ZFYVE28: variants seen among roughly 807,000 people sequenced by gnomAD.
ZFYVE28 encodes zinc finger FYVE-type containing 28.
Under a neutral mutation model 82.1 loss-of-function variants are expected in ZFYVE28, and 40 were observed. That is an observed-to-expected ratio of 0.49 (90% CI 0.38 to 0.63). ZFYVE28 has a LOEUF of 0.63. Among genes scored for constraint, ZFYVE28 ranks in the 30% least tolerant of loss-of-function variants. The pLI, the probability that ZFYVE28 is intolerant of heterozygous loss-of-function variation, is 0.00. For missense variants in ZFYVE28, 1,321 were observed against 1,242.1 expected, an observed-to-expected ratio of 1.06 and a Z score of -0.96; for synonymous variants, 612 against 546.1, an observed-to-expected ratio of 1.12 and a Z score of -1.68.
At chr4:2,383,247 G>A (rs1021737567) in intron 1 of ZFYVE28, among the ~76,000 whole-genome samples, 5 of 152,100 alleles carry the variant, frequency 3.3e-5, no homozygotes, top group Non-Finnish European at 7.4e-5. Flanking sequence ...GTTGTGGGAG[G>A]GACCTGGTGG....
chr4:2,400,237 C>A (rs1332399010), intron 1 of ZFYVE28, among the ~76,000 whole-genome samples: 3 of 152,228 alleles, frequency 2.0e-5, no homozygotes, highest in Non-Finnish European at 4.4e-5. Flanking sequence ...CACTTTTATA[C>A]ATAGCTGGTC....
chr4:2,332,826 G>A lies in ZFYVE28; in HGVS notation c.701+2879C>T, dbSNP rs543548813. 5.9e-5 allele frequency among the ~76,000 whole-genome samples: 9 copies of A among 152,040 alleles called. No individual in the cohort carries two copies. In the South Asian group the frequency reaches 1.2e-3, roughly 21 times the overall value. The stretch of plus-strand genomic sequence containing the variant: ...CGCTCAGCACTCACCCGCCCTGCTC[G>A]AGGCTCGCTGCACAGAGGGTTGCAG... On this transcript the variant is annotated intron_variant, in intron 6 of 12. Coordinates refer to ENST00000290974, the MANE Select transcript of ZFYVE28 (RefSeq NM_020972.3). The surrounding 1 kb of genome is among the most constrained non-coding windows in gnomAD (Gnocchi z 4.7).
chr4:2,400,235 T>C (rs554161380), intron 1 of ZFYVE28, among the ~76,000 whole-genome samples: 1 of 152,256 alleles, frequency 6.6e-6, no homozygotes, highest in East Asian at 1.9e-4. Flanking sequence ...CCCACTTTTA[T>C]ACATAGCTGG....
chr4:2,271,541 G>T (rs895896958), intron 11 of ZFYVE28, 127 bp from the exon 12 acceptor site: 2 of 1,415,454 alleles, frequency 1.4e-6, no homozygotes, highest in African/African-American at 1.4e-5. Flanking sequence ...CAGCCTCCGG[G>T]GGGGCGGTCT....
intron 1 of ZFYVE28, among the ~76,000 whole-genome samples, chr4:2,411,890 G>T (rs958859180): frequency 2.0e-5 from 3 of 152,212 alleles, no homozygotes; most frequent in Non-Finnish European, 4.4e-5. Context: ...CAAATGGGGG[G>T]CACAGGCCAT....
In ZFYVE28 at chr4:2,408,109, C is replaced by T. The variant is rs1392654907; in HGVS notation, c.39+10176G>A. ...GTGGCCTATGGGGCTTTCCTGGCCCCCTGGCCTCCAGGCCTCAAGGCCACA... is the reference window on the plus strand; with the variant it reads ...GTGGCCTATGGGGCTTTCCTGGCCCTCTGGCCTCCAGGCCTCAAGGCCACA... On this transcript the variant is annotated intron_variant, in intron 1 of 12. Transcript: ENST00000290974. This position sits in a 1 kb window ranked among gnomAD's most constrained non-coding sequence, Gnocchi z 4.3. 1.3e-5 allele frequency among the ~76,000 whole-genome samples: 2 copies of T among 151,722 alleles called. No homozygotes were observed. Among genetic ancestry groups the T allele is most frequent in the African/African-American group, 4.8e-5 (2 of 41,354 alleles).
chr4:2,413,079 A>C (rs1275892695), intron 1 of ZFYVE28, among the ~76,000 whole-genome samples: 4 of 152,156 alleles, frequency 2.6e-5, no homozygotes, highest in African/African-American at 9.7e-5. Context: ...CGGCGCAGGG[A>C]GTGATGCTCG....
In ZFYVE28 at chr4:2,320,387, G is replaced by C. The variant is rs1389599682; in HGVS notation, c.702-116C>G. The C allele has an allele frequency of 6.4e-6, 5 of 779,698 alleles. No individual in the cohort carries two copies. The highest frequency in any genetic ancestry group is 5.2e-5 in the African/African-American group (3 of 57,410). The allele number at this position is 779,698 out of a possible 1,614,324, so 48.3% of individuals were successfully genotyped here. On this transcript the variant is annotated intron_variant, in intron 6 of 12. Coordinates refer to ENST00000290974, the MANE Select transcript of ZFYVE28 (RefSeq NM_020972.3). The surrounding 1 kb of genome is among the most constrained non-coding windows in gnomAD (Gnocchi z 5.1). The stretch of plus-strand genomic sequence containing the variant: ...CCCGCTGGGACTCTGCAGCGCCACT[G>C]TCCCAGCACGGCCGCCGCCTCATGC...
At chr4:2,328,946 T>C (rs1720277711) in intron 6 of ZFYVE28, 1 of 492,094 alleles carries the variant, frequency 2.0e-6, no homozygotes, top group Non-Finnish European at 3.7e-6. Context: ...GATGTTTGGG[T>C]TTATTTATGG....
In ZFYVE28 at chr4:2,354,003, A is replaced by G. The variant is rs766688177; in HGVS notation, c.110T>C (p.Leu37Pro). Residue 37 changes from leucine (L) to proline (P), a missense_variant, in exon 2 of 13, where the codon CTG becomes CCG. Physicochemically the swap from Leu to Pro is moderately conservative, Grantham distance 98. Around this residue, in one of 2 missense-constraint regions of ZFYVE28, gnomAD observed 343 missense variants for 408.4 expected, o/e 0.84. Transcript: ENST00000290974. ...DEELNQVAAE[L>P]DSLDGRKDPQ... is the part of the protein sequence containing the mutation. ...GTCCTTCCGCCCATCCAGGCTGTCC[A>G]GCTCCGCGGCCACCTGGTTCAGCTC... 1 of 1,585,144 alleles carries G rather than the reference A, an allele frequency of 6.3e-7. No individual in the cohort carries two copies.
chr4:2,319,554 G>A (rs1157317931), intron 7 of ZFYVE28, among the ~76,000 whole-genome samples: 1 of 152,172 alleles, frequency 6.6e-6, no homozygotes, highest in African/African-American at 2.4e-5. Context: ...GCTGTCCCAG[G>A]CCACAGAGCC....
At chr4:2,311,436 G>T (rs750218222) in intron 7 of ZFYVE28, among the ~76,000 whole-genome samples, 1 of 152,150 alleles carries the variant, frequency 6.6e-6, no homozygotes, top group Admixed American at 6.5e-5. Flanking sequence ...TGAGGCAGAA[G>T]AATTGTTTAA....
At chr4:2,331,692 C>A (rs1282913429) in intron 6 of ZFYVE28, among the ~76,000 whole-genome samples, 2 of 152,118 alleles carry the variant, frequency 1.3e-5, no homozygotes, top group Non-Finnish European at 2.9e-5. Flanking sequence ...AAGTGGGGCC[C>A]CTCCCCTACG....
chr4:2,348,616 T>A (rs28585523), intron 2 of ZFYVE28, among the ~76,000 whole-genome samples: 3,302 of 152,334 alleles, frequency 0.022, 80 homozygotes, highest in African/African-American at 0.062. Flanking sequence ...GGAGTAATTT[T>A]TTTTAACATT....
Position 2,319,589 on chromosome 4 carries a change from C to A in ZFYVE28, c.803+581G>T, listed in dbSNP as rs150426866. ...CAGGGTGGCACATGGAGGACATGTG[C>A]CATGGGCTTCACGTGGCCCCCGTCC... On this transcript the variant is annotated intron_variant, in intron 7 of 12. Coordinates refer to ENST00000290974, the MANE Select transcript of ZFYVE28 (RefSeq NM_020972.3). Among the ~76,000 whole-genome samples, 423 of 152,314 alleles carry A rather than the reference C, an allele frequency of 2.8e-3. 3 individuals carry two copies. The highest frequency in any genetic ancestry group is 9.6e-3 in the African/African-American group (400 of 41,568).
intron 1 of ZFYVE28, among the ~76,000 whole-genome samples, chr4:2,370,471 C>G (rs909933357): frequency 6.6e-6 from 1 of 152,158 alleles, no homozygotes; most frequent in Non-Finnish European, 1.5e-5. Flanking sequence ...TCCCTAAGTG[C>G]CCCCAGTGCC....
intron 1 of ZFYVE28, among the ~76,000 whole-genome samples, chr4:2,414,293 T>G (rs1324578651): frequency 6.6e-6 from 1 of 152,118 alleles, no homozygotes; most frequent in Non-Finnish European, 1.5e-5. Flanking sequence ...GCCAGTGGGG[T>G]TGGCACCCAG....
intron 5 of ZFYVE28, among the ~76,000 whole-genome samples, chr4:2,336,884 A>G (rs1401670126): frequency 1.2e-5 from 1 of 85,108 alleles, no homozygotes; most frequent in Non-Finnish European, 2.2e-5. Flanking sequence ...GTGAAGAGTG[A>G]GGAGGTGAGG....
chr4:2,375,851 T>C (rs1728077311), intron 1 of ZFYVE28, among the ~76,000 whole-genome samples: 1 of 151,702 alleles, frequency 6.6e-6, no homozygotes, highest in African/African-American at 2.4e-5. Flanking sequence ...ATTGATTATA[T>C]GTTAAAACAA....
Sources: allele counts gnomAD v4.1 joint callset (sites outside exome capture counted in the v4.1 genomes callset), GRCh38; gene constraint gnomAD v4.1.1; regional missense constraint gnomAD v4.1.1; non-coding constraint Gnocchi (gnomAD v3.1); transcripts MANE v1.5; gene names NCBI Gene and HGNC (gene_info 2026-07-23, HGNC 2026-07-21).